Variants in R3HCC1L observed in about 807,000 individuals in gnomAD.
R3HCC1L encodes the protein coiled-coil domain-containing protein R3HCC1L.
Under a neutral mutation model 59.9 loss-of-function variants are expected in R3HCC1L, and 51 were observed. The observed-to-expected ratio is 0.85, with a 90% confidence interval of 0.68 to 1.07. The LOEUF (loss-of-function observed/expected upper bound fraction) is 1.07. R3HCC1L is among the 50% of genes least tolerant of loss of function. The probability of loss-of-function intolerance (pLI) is 0.00; values close to 1 mark genes in which losing one functional copy is unlikely to be tolerated. For missense variants in R3HCC1L, 965 were observed against 933.0 expected (o/e 1.03, Z -0.45); for synonymous variants, 322 against 315.2 (o/e 1.02, Z -0.23).
intron 1 of R3HCC1L, among the ~76,000 whole-genome samples, chr10:98,148,813 T>C (rs966384650): frequency 2.0e-5 from 3 of 152,168 alleles, no homozygotes; most frequent in Non-Finnish European, 2.9e-5. Context: ...TGTTCATTAG[T>C]GATACTGGCC....
chr10:98,235,405 C>G lies in R3HCC1L; in HGVS notation c.2033-20C>G, dbSNP rs780949270. 1.1e-5 allele frequency: 17 copies of G among 1,600,144 alleles called. No individual in the cohort carries two copies. The highest frequency in any genetic ancestry group is 1.5e-5 in the Non-Finnish European group (17 of 1,168,050). ...TCACTCTACTTCATGTCTTCTGCTT[C>G]CTTTTATTCCTCTTTGCAGCTCGTG... On this transcript the variant is annotated intron_variant, in intron 7 of 9. Coordinates refer to ENST00000298999, the MANE Select transcript of R3HCC1L (RefSeq NM_001351015.2).
intron 2 of R3HCC1L, among the ~76,000 whole-genome samples, chr10:98,158,233 A>G (rs1039480999): frequency 6.6e-6 from 1 of 152,116 alleles, no homozygotes; most frequent in Non-Finnish European, 1.5e-5. Flanking sequence ...GGGGCATACT[A>G]TATGCATTAT....
chr10:98,244,225 A>T lies in R3HCC1L; in HGVS notation c.*67A>T. ...GTTTCCATAGCCTTCAGATAAGATGATCCTTCCAGAGCTCTATGTACATGC... is the reference window on the plus strand; with the variant it reads ...GTTTCCATAGCCTTCAGATAAGATGTTCCTTCCAGAGCTCTATGTACATGC... On this transcript the variant is annotated 3_prime_UTR_variant, in exon 10 of 10. Transcript: ENST00000298999. The T allele has an allele frequency of 1.4e-6, 2 of 1,453,772 alleles. No individual in the cohort carries two copies. The highest frequency in any genetic ancestry group is 1.9e-6 in the Non-Finnish European group (2 of 1,037,290). 90.1% of individuals were successfully genotyped at this position (1,453,772 alleles called of 1,614,324 possible). A position where few individuals can be genotyped will look rare whatever the true frequency, so the allele number is the denominator to read the frequency against.
intron 5 of R3HCC1L, chr10:98,211,482 T>G: frequency 2.6e-6 from 3 of 1,175,460 alleles, no homozygotes; most frequent in Non-Finnish European, 3.4e-6. Flanking sequence ...GGTGGGAAGC[T>G]AGGTGAATAT....
intron 4 of R3HCC1L, among the ~76,000 whole-genome samples, chr10:98,173,723 T>C (rs968093776): frequency 6.6e-6 from 1 of 152,068 alleles, no homozygotes; most frequent in African/African-American, 2.4e-5. Flanking sequence ...TTTTTCCCCC[T>C]AACCACAGGT....
At chr10:98,226,097 C>T (rs1253480736) in intron 5 of R3HCC1L, among the ~76,000 whole-genome samples, 2 of 152,124 alleles carry the variant, frequency 1.3e-5, no homozygotes, top group Non-Finnish European at 2.9e-5. Context: ...GCCTGGGCCT[C>T]CCAAAGTGCT....
At chr10:98,203,963 G>A (rs529272102) in intron 4 of R3HCC1L, among the ~76,000 whole-genome samples, 18 of 152,284 alleles carry the variant, frequency 1.2e-4, no homozygotes, top group African/African-American at 4.3e-4. Context: ...TAGAAAGTGT[G>A]ATTTTTGAAC....
chr10:98,179,709 G>C (rs1239692064), intron 4 of R3HCC1L, among the ~76,000 whole-genome samples: 1 of 152,000 alleles, frequency 6.6e-6, no homozygotes, highest in African/African-American at 2.4e-5. Flanking sequence ...TTTTTTAGTT[G>C]GTAGGCTATT....
intron 4 of R3HCC1L, among the ~76,000 whole-genome samples, chr10:98,189,452 A>C (rs1028881492): frequency 2.6e-5 from 4 of 152,156 alleles, no homozygotes; most frequent in South Asian, 4.1e-4. Context: ...CTATCTATGT[A>C]AGGTCTCTCA....
intron 4 of R3HCC1L, among the ~76,000 whole-genome samples, chr10:98,204,410 AAAAG>A (rs969240810): frequency 6.6e-6 from 1 of 152,198 alleles, no homozygotes; most frequent in African/African-American, 2.4e-5. Context: ...TCTCAAAAAA[AAAAG>A]AGAGAGAGAG....
intron 1 of R3HCC1L, among the ~76,000 whole-genome samples, chr10:98,143,346 C>T (rs895424981): frequency 1.3e-5 from 2 of 152,186 alleles, no homozygotes; most frequent in African/African-American, 4.8e-5. Context: ...TCTCTCAATA[C>T]GTTCAGAATT....
At chr10:98,190,996 C>T (rs1044011438) in intron 4 of R3HCC1L, among the ~76,000 whole-genome samples, 93 of 152,108 alleles carry the variant, frequency 6.1e-4, no homozygotes, top group African/African-American at 1.9e-3. Context: ...TCCTTTTTTT[C>T]GGCTGCATAG....
In R3HCC1L at chr10:98,196,208, T is replaced by TGCCTTTATTACAGTTAA. The variant is rs541383002; in HGVS notation, c.-14-11892_-14-11876dup. Among the ~76,000 whole-genome samples, 263 of 152,324 alleles carry TGCCTTTATTACAGTTAA rather than the reference T, an allele frequency of 1.7e-3. 2 individuals carry two copies. Among genetic ancestry groups the TGCCTTTATTACAGTTAA allele is most frequent in the African/African-American group, 5.8e-3 (240 of 41,576 alleles). ...CCAGGATTTAAAAATTATTTATCTATGCCTTTATTACAGTTAACCCATTCA... is the reference window on the plus strand; with the variant it reads ...CCAGGATTTAAAAATTATTTATCTATGCCTTTATTACAGTTAAGCCTTTATTACAGTTAACCCATTCA... On this transcript the variant is annotated intron_variant, in intron 4 of 9. Coordinates refer to ENST00000298999, the MANE Select transcript of R3HCC1L (RefSeq NM_001351015.2).
Position 98,208,444 on chromosome 10 carries a change from C to T in R3HCC1L, c.330C>T (p.Thr110=). The stretch of plus-strand genomic sequence containing the variant: ...ATAGAGTTTGTTCTAAGAGAGGAAC[C>T]ACTGAATCCAAAGAAGTATTATCCC... ...KTNRVCSKRG[T]TESKEVLSQG... is the part of the protein sequence containing the mutation. Residue 110 remains threonine, a synonymous_variant, in exon 5 of 10, where the codon ACC becomes ACT. Coordinates refer to ENST00000298999, the MANE Select transcript of R3HCC1L (RefSeq NM_001351015.2). The T allele has an allele frequency of 6.2e-7, 1 of 1,614,022 alleles. No individual in the cohort carries two copies. The highest frequency in any genetic ancestry group is 1.1e-5 in the South Asian group (1 of 91,040).
intron 4 of R3HCC1L, chr10:98,174,596 C>T (rs1848815236): frequency 1.0e-6 from 1 of 984,474 alleles, no homozygotes. Flanking sequence ...TCAGTTTAAA[C>T]ACAACTCATT....
intron 1 of R3HCC1L, among the ~76,000 whole-genome samples, chr10:98,144,010 T>C (rs1360131658): frequency 6.6e-6 from 1 of 152,078 alleles, no homozygotes; most frequent in African/African-American, 2.4e-5. Context: ...TGTGTCCTGC[T>C]TTAAAAAATA....
At chr10:98,191,893 C>T (rs1160024317) in intron 4 of R3HCC1L, among the ~76,000 whole-genome samples, 2 of 152,120 alleles carry the variant, frequency 1.3e-5, no homozygotes, top group Non-Finnish European at 2.9e-5. Flanking sequence ...GGCGTGATCT[C>T]GGCTCACTGT....
Position 98,208,555 on chromosome 10 carries a change from T to G in R3HCC1L, c.441T>G (p.Cys147Trp). The change falls in exon 5 of 10, where the codon TGT becomes TGG. Residue 147 changes from cysteine (C) to tryptophan (W), a missense_variant. Physicochemically the swap from Cys to Trp is radical, Grantham distance 215. Transcript: ENST00000298999. ...QRHFKPKKVE[C>W]LEVETTDVTG... ...ATTTTAAACCAAAGAAGGTGGAGTGTTTGGAAGTTGAAACTACGGATGTGA... is the reference window on the plus strand; with the variant it reads ...ATTTTAAACCAAAGAAGGTGGAGTGGTTGGAAGTTGAAACTACGGATGTGA... 6.2e-7 allele frequency: 1 copy of G among 1,614,106 alleles called. No individual in the cohort carries two copies. The highest frequency in any genetic ancestry group is 8.5e-7 in the Non-Finnish European group (1 of 1,180,018).
intron 9 of R3HCC1L, among the ~76,000 whole-genome samples, chr10:98,236,743 C>T (rs986570887): frequency 4.6e-5 from 7 of 152,134 alleles, no homozygotes; most frequent in African/African-American, 1.7e-4. Context: ...TCCCCTGATC[C>T]ACAAGCAGAG....
Sources: allele counts gnomAD v4.1 joint callset (sites outside exome capture counted in the v4.1 genomes callset), GRCh38; gene constraint gnomAD v4.1.1; transcripts MANE v1.5; gene names NCBI Gene and HGNC (gene_info 2026-07-23, HGNC 2026-07-21).